The following SRD5A2 variants were observed in gnomAD, a reference collection of about 807,000 sequenced individuals.
The protein encoded by SRD5A2 is steroid 5 alpha-reductase 2.
In SRD5A2, 30 loss-of-function variants were observed where a neutral mutation model predicts 27.4. That is an observed-to-expected ratio of 1.10 (90% CI 0.82 to 1.49). SRD5A2 has a LOEUF of 1.49. SRD5A2 is among the 40% of genes most tolerant of loss of function. The probability of loss-of-function intolerance (pLI) is 0.00; values close to 1 mark genes in which losing one functional copy is unlikely to be tolerated. For missense variants in SRD5A2, 348 were observed against 323.4 expected (o/e 1.08, Z -0.58); for synonymous variants, 141 against 133.6 (o/e 1.06, Z -0.38).
intron 1 of SRD5A2, among the ~76,000 whole-genome samples, chr2:31,571,324 A>T (rs187293904): frequency 2.0e-5 from 3 of 152,362 alleles, no homozygotes; most frequent in Admixed American, 1.3e-4. Flanking sequence ...CATATGCAGA[A>T]AATTGGAACT....
the SRD5A2 span, among the ~76,000 whole-genome samples, chr2:31,657,537 T>G: frequency 0.022 from 3,336 of 152,236 alleles, 69 homozygotes; most frequent in African/African-American, 0.046. Flanking sequence ...AGTACAGGTG[T>G]GAGCTACCAT....
rs1192633109 is a variant in SRD5A2, at chr2:31,541,179, A to C, written c.282-7413T>G. On this transcript the variant is annotated intron_variant, in intron 1 of 4. Coordinates refer to ENST00000622030, the MANE Select transcript of SRD5A2 (RefSeq NM_000348.4). ...GATGCAAGCTCAGAGAATACCAGTA[A>C]AGACCTTATGTTTACACCTCAGGCT... Among the ~76,000 whole-genome samples the C allele has an allele frequency of 2.6e-5, 4 of 152,306 alleles. No homozygotes were observed. The East Asian group carries it at 5.8e-4, about 22-fold the overall frequency.
chr2:31,640,198 T>A, the SRD5A2 span, among the ~76,000 whole-genome samples: 3 of 152,122 alleles, frequency 2.0e-5, no homozygotes, highest in African/African-American at 7.2e-5. Context: ...GTTTTTTTTT[T>A]AATTTTAATC....
chr2:31,631,902 C>T, the SRD5A2 span, among the ~76,000 whole-genome samples: 1 of 152,020 alleles, frequency 6.6e-6, no homozygotes, highest in Non-Finnish European at 1.5e-5. Context: ...TACTAACTTG[C>T]GTGGTAGAAG....
the SRD5A2 span, among the ~76,000 whole-genome samples, chr2:31,595,407 T>C: frequency 1.3e-5 from 2 of 152,084 alleles, no homozygotes; most frequent in African/African-American, 2.4e-5. Flanking sequence ...CAAAAGATCA[T>C]TCAAGGCTAC....
intron 1 of SRD5A2, among the ~76,000 whole-genome samples, chr2:31,534,735 C>T (rs1256827388): frequency 1.3e-5 from 2 of 152,290 alleles, no homozygotes; most frequent in African/African-American, 4.8e-5. Flanking sequence ...CTGCAGATTT[C>T]ACAGATAATC....
At chr2:31,625,248 T>C in the SRD5A2 span, among the ~76,000 whole-genome samples, 1 of 152,220 alleles carries the variant, frequency 6.6e-6, no homozygotes, top group African/African-American at 2.4e-5. Context: ...TCTTTGTAGA[T>C]TCTGGATATT....
the SRD5A2 span, among the ~76,000 whole-genome samples, chr2:31,614,525 T>C: frequency 6.6e-6 from 1 of 152,176 alleles, no homozygotes; most frequent in Admixed American, 6.5e-5. Flanking sequence ...ACAGGCAAGC[T>C]GTCAGTGGAT....
At chr2:31,636,406 GAAC>G in the SRD5A2 span, among the ~76,000 whole-genome samples, 4 of 151,794 alleles carry the variant, frequency 2.6e-5, no homozygotes. Flanking sequence ...ACTGAATTAT[GAAC>G]AACTATATGC....
At chr2:31,643,841 A>G in the SRD5A2 span, among the ~76,000 whole-genome samples, 2 of 152,344 alleles carry the variant, frequency 1.3e-5, no homozygotes, top group Admixed American at 1.3e-4. Flanking sequence ...GAATACATAT[A>G]TCAACAGTCA....
rs1558356964 is a variant in SRD5A2 at position 31,531,561 on chromosome 2, G to GGGGCATGTAATTCCAAAAAATGAAGGGAA, written c.446-90_446-89insTTCCCTTCATTTTTTGGAATTACATGCCC. 4 of 820,844 alleles carry GGGGCATGTAATTCCAAAAAATGAAGGGAA rather than the reference G, an allele frequency of 4.9e-6. No homozygotes were observed. The African/African-American group carries it at 7.0e-5, about 14-fold the overall frequency. The allele number at this position is 820,844 out of a possible 1,614,324, so 50.8% of individuals were successfully genotyped here. A position where few individuals can be genotyped will look rare whatever the true frequency, so the allele number is the denominator to read the frequency against. On this transcript the variant is annotated intron_variant, in intron 2 of 4. Coordinates refer to ENST00000622030, the MANE Select transcript of SRD5A2 (RefSeq NM_000348.4). Reference sequence around the variant, plus strand: ...CACAAACTAAGCTAAAATGAAAGGAGGGGCATTTAATTTCTAAATCTAAGA... The same window carrying GGGGCATGTAATTCCAAAAAATGAAGGGAA: ...CACAAACTAAGCTAAAATGAAAGGAGGGGCATGTAATTCCAAAAAATGAAGGGAAGGGCATTTAATTTCTAAATCTAAGA...
rs753272225 is a variant in SRD5A2, at chr2:31,529,462, G to A, written c.548-5C>T. 14 of 1,611,134 alleles carry A rather than the reference G, an allele frequency of 8.7e-6. No individual in the cohort carries two copies. Among genetic ancestry groups the A allele is most frequent in the South Asian group, 1.1e-5 (1 of 90,492 alleles). On this transcript the variant is annotated splice_polypyrimidine_tract_variant and splice_region_variant and intron_variant, in intron 3 of 4. Coordinates refer to ENST00000622030, the MANE Select transcript of SRD5A2 (RefSeq NM_000348.4). Reference sequence around the variant, plus strand: ...AAACATACGTAAACAAGCCACCTGCGTGCAGAAGAATCGGAAGGTCAATCA... The same window carrying A: ...AAACATACGTAAACAAGCCACCTGCATGCAGAAGAATCGGAAGGTCAATCA...
chr2:31,544,709 G>A (rs1666207681), intron 1 of SRD5A2, among the ~76,000 whole-genome samples: 1 of 151,494 alleles, frequency 6.6e-6, no homozygotes, highest in Admixed American at 6.6e-5. Context: ...TTAGAACAAA[G>A]ATCAAAGAAA....
Position 31,529,430 on chromosome 2 carries a change from G to A in SRD5A2, c.575C>T (p.Ala192Val), listed in dbSNP as rs951336891. ...QGGLFTYVSG[A>V]NFLGEIIEWI... ...TTCAATGATCTCACCGAGGAAATTG[G>A]CTCCAGAAACATACGTAAACAAGCC... The change falls in exon 4 of 5, where the codon GCC becomes GTC. Residue 192 changes from alanine to valine, a missense_variant. Ala to Val is a moderately conservative substitution (Grantham distance 64). Coordinates refer to ENST00000622030, the MANE Select transcript of SRD5A2 (RefSeq NM_000348.4). The A allele has an allele frequency of 1.2e-6, 2 of 1,613,758 alleles. No individual in the cohort carries two copies. Among genetic ancestry groups the A allele is most frequent in the Non-Finnish European group, 1.7e-6 (2 of 1,179,758 alleles).
chr2:31,532,770 A>G (rs756260963), intron 2 of SRD5A2, among the ~76,000 whole-genome samples: 1 of 150,854 alleles, frequency 6.6e-6, no homozygotes, highest in Non-Finnish European at 1.5e-5. Context: ...TTAGCCTGGA[A>G]GAAAGGGTAT....
the SRD5A2 span, among the ~76,000 whole-genome samples, chr2:31,589,776 A>G: frequency 1.6e-3 from 251 of 152,218 alleles, 2 homozygotes; most frequent in South Asian, 0.041. Context: ...TGCACATACA[A>G]TTGCAGAAGC....
chr2:31,532,444 T>C (rs1435469743), intron 2 of SRD5A2, among the ~76,000 whole-genome samples: 1 of 151,970 alleles, frequency 6.6e-6, no homozygotes, highest in Non-Finnish European at 1.5e-5. Context: ...TTCACATTTT[T>C]ATTTATCTTA....
intron 1 of SRD5A2, among the ~76,000 whole-genome samples, chr2:31,569,672 A>G (rs1420782465): frequency 1.9e-5 from 2 of 105,902 alleles, no homozygotes; most frequent in African/African-American, 7.0e-5. Context: ...GCAAAAAACA[A>G]AAAACAAAAA....
At chr2:31,625,311 GC>G in the SRD5A2 span, among the ~76,000 whole-genome samples, 2 of 152,164 alleles carry the variant, frequency 1.3e-5, no homozygotes, top group Non-Finnish European at 2.9e-5. Context: ...TCTGTAGGTT[GC>G]CTGTCCACTC....
Sources: allele counts gnomAD v4.1 joint callset (sites outside exome capture counted in the v4.1 genomes callset), GRCh38; gene constraint gnomAD v4.1.1; transcripts MANE v1.5; gene names NCBI Gene and HGNC (gene_info 2026-07-23, HGNC 2026-07-21).